ANXA4: variants seen among roughly 807,000 people sequenced by gnomAD.
The protein encoded by ANXA4 is annexin A4.
A neutral mutation model predicts 49.8 loss-of-function variants in ANXA4; 39 were observed. That is an observed-to-expected ratio of 0.78 (90% CI 0.61 to 1.02). ANXA4 has a LOEUF of 1.02. ANXA4 is among the 50% of genes least tolerant of loss of function. The pLI is 0.00. For missense variants in ANXA4, 360 were observed against 410.1 expected (o/e 0.88, Z 1.05); for synonymous variants, 134 against 152.5 (o/e 0.88, Z 0.89).
chr2:69,657,686 C>G (rs1333748136), intron 2 of ANXA4, among the ~76,000 whole-genome samples: 2 of 152,082 alleles, frequency 1.3e-5, no homozygotes, highest in African/African-American at 4.8e-5. Flanking sequence ...CTTTTAACTT[C>G]CTGTGAGTAT....
At chr2:69,785,584 C>A (rs1672381549) in intron 2 of ANXA4, among the ~76,000 whole-genome samples, 3 of 112,076 alleles carry the variant, frequency 2.7e-5, no homozygotes, top group Admixed American at 2.1e-4. Flanking sequence ...GATGATGTTT[C>A]TGAGTTTTTG....
intron 1 of ANXA4, among the ~76,000 whole-genome samples, chr2:69,757,266 A>AT (rs1177266386): frequency 0.03 from 834 of 27,656 alleles, 44 homozygotes; most frequent in Non-Finnish European, 0.043. Flanking sequence ...ATATATATAT[A>AT]TTTTTTTTTT....
At chr2:69,732,267 G>A (rs1670125323) in intron 3 of ANXA4, among the ~76,000 whole-genome samples, 2 of 150,962 alleles carry the variant, frequency 1.3e-5, no homozygotes, top group African/African-American at 2.4e-5. Context: ...GTGAGCCACC[G>A]CGCCCAGCCC....
intron 2 of ANXA4, among the ~76,000 whole-genome samples, chr2:69,688,651 G>C (rs954800670): frequency 3.3e-5 from 5 of 152,174 alleles, no homozygotes; most frequent in African/African-American, 1.2e-4. Flanking sequence ...CATCTGCCTA[G>C]GAAGAACAAT....
At chr2:69,698,206 C>T (rs1273403174) in intron 2 of ANXA4, among the ~76,000 whole-genome samples, 1 of 152,180 alleles carries the variant, frequency 6.6e-6, no homozygotes, top group African/African-American at 2.4e-5. Flanking sequence ...GCACTAATCT[C>T]ATTCATGAGG....
chr2:69,720,599 A>T (rs1164536238), intron 2 of ANXA4, among the ~76,000 whole-genome samples: 1 of 152,196 alleles, frequency 6.6e-6, no homozygotes, highest in Non-Finnish European at 1.5e-5. Context: ...TGACTTGATC[A>T]GATTTATGTT....
chr2:69,784,853 G>T (rs1672348625), intron 2 of ANXA4, among the ~76,000 whole-genome samples: 1 of 152,142 alleles, frequency 6.6e-6, no homozygotes, highest in Non-Finnish European at 1.5e-5. Flanking sequence ...GTCATACGGT[G>T]CTCACCCCTT....
intron 1 of ANXA4, among the ~76,000 whole-genome samples, chr2:69,768,295 G>A (rs1671574625): frequency 6.6e-6 from 1 of 152,200 alleles, no homozygotes; most frequent in South Asian, 2.1e-4. Flanking sequence ...TCTGGCTCTA[G>A]AGGATGGAAT....
chr2:69,651,990 A>G (rs919985889), intron 1 of ANXA4, among the ~76,000 whole-genome samples: 1 of 150,668 alleles, frequency 6.6e-6, no homozygotes, highest in African/African-American at 2.4e-5. Flanking sequence ...TTTTTATTGA[A>G]TTTTTATTGC....
At chr2:69,742,959 A>G (rs1283057168) in intron 1 of ANXA4, among the ~76,000 whole-genome samples, 1 of 152,172 alleles carries the variant, frequency 6.6e-6, no homozygotes, top group Non-Finnish European at 1.5e-5. Context: ...CCTGCCCACC[A>G]GTCCATGACA....
intron 1 of ANXA4, among the ~76,000 whole-genome samples, chr2:69,765,876 A>G (rs1194695223): frequency 6.6e-6 from 1 of 152,204 alleles, no homozygotes; most frequent in East Asian, 1.9e-4. Context: ...TGAGGCCTTC[A>G]GGAAGCCCAA....
At chr2:69,811,909 A>G (rs911235810) in intron 7 of ANXA4, among the ~76,000 whole-genome samples, 1 of 152,122 alleles carries the variant, frequency 6.6e-6, no homozygotes, top group African/African-American at 2.4e-5. Flanking sequence ...TGCCTAGACC[A>G]TGGAACATCG....
chr2:69,728,413 G>T (rs921699101), intron 3 of ANXA4, among the ~76,000 whole-genome samples: 1 of 152,014 alleles, frequency 6.6e-6, no homozygotes, highest in East Asian at 1.9e-4. Context: ...TTTCTTTATG[G>T]TTAGTCTTTT....
chr2:69,771,489 G>A (rs996447084), intron 1 of ANXA4, among the ~76,000 whole-genome samples: 2 of 152,208 alleles, frequency 1.3e-5, no homozygotes, highest in Non-Finnish European at 2.9e-5. Context: ...TTGTTTTGAT[G>A]GGTGTTTGCT....
Position 69,812,700 on chromosome 2 carries a change from G to A in ANXA4, c.525G>A (p.Gln175=), listed in dbSNP as rs529464630. Residue 175 remains glutamine, a synonymous_variant, in exon 8 of 13, where the codon CAG becomes CAA. Coordinates refer to ENST00000394295, the MANE Select transcript of ANXA4 (RefSeq NM_001153.5). ...ATCTGGACGATGCTCTCGTGAGACA[G>A]GATGCCCAGGTTGGTAGAACTGCAG... ...GNYLDDALVR[Q]DAQDLYEAGE... The A allele has an allele frequency of 1.9e-6, 3 of 1,614,128 alleles. No homozygotes were observed. The African/African-American group carries it at 4.0e-5, about 22-fold the overall frequency.
chr2:69,683,079 CAGAG>C (rs1677655312), intron 2 of ANXA4, among the ~76,000 whole-genome samples: 1 of 152,064 alleles, frequency 6.6e-6, no homozygotes, highest in Non-Finnish European at 1.5e-5. Context: ...TTTATACACA[CAGAG>C]AGACAGGAAT....
Position 69,781,604 on chromosome 2 carries a change from G to A in ANXA4, c.9+30G>A, listed in dbSNP as rs566025508. The stretch of plus-strand genomic sequence containing the variant: ...GTTGTGAAATACCTCAACCCTATCT[G>A]GTGCCAGCTGCCAACAGGTACAGAA... On this transcript the variant is annotated intron_variant, in intron 2 of 12. Transcript: ENST00000394295. The A allele has an allele frequency of 6.2e-6, 10 of 1,613,658 alleles. No homozygotes were observed. The South Asian group carries it at 9.9e-5, about 16-fold the overall frequency.
At chr2:69,797,149 C>G (rs1672980869) in intron 3 of ANXA4, among the ~76,000 whole-genome samples, 1 of 152,110 alleles carries the variant, frequency 6.6e-6, no homozygotes, top group Non-Finnish European at 1.5e-5. Context: ...GAATGCACTC[C>G]AGAGGAGTGC....
At chr2:69,647,539 G>A (rs1676057142) in intron 1 of ANXA4, among the ~76,000 whole-genome samples, 1 of 151,838 alleles carries the variant, frequency 6.6e-6, no homozygotes, top group Non-Finnish European at 1.5e-5. Context: ...CTCCCGAGTA[G>A]CGGGGACTAC....
Sources: gnomAD v4.1 joint callset for allele counts (sites outside exome capture counted in the v4.1 genomes callset) on GRCh38, gnomAD v4.1.1 for gene constraint, MANE v1.5 for transcripts, NCBI Gene and HGNC (gene_info 2026-07-23, HGNC 2026-07-21) for gene names.